The following DOCK1 variants were observed in gnomAD, a reference collection of about 807,000 sequenced individuals.
The protein encoded by DOCK1 is dedicator of cytokinesis 1, also known as dedicator of cytokinesis protein 1.
DOCK1 carries 138 observed loss-of-function variants against 262.7 expected under a neutral mutation model. That is an observed-to-expected ratio of 0.53 (90% CI 0.46 to 0.61). The LOEUF is 0.61. Among genes scored for constraint, DOCK1 ranks in the 20% least tolerant of loss-of-function variants. The probability of loss-of-function intolerance (pLI) is 0.00; values close to 1 mark genes in which losing one functional copy is unlikely to be tolerated. For synonymous variants in DOCK1, 866 were observed against 867.4 expected (o/e 1.00, Z 0.03); for missense variants, 1,908 against 2,370.7 (o/e 0.80, Z 4.05).
intron 27 of DOCK1, among the ~76,000 whole-genome samples, chr10:127,148,799 G>A (rs1305685685): frequency 3.3e-5 from 5 of 152,170 alleles, no homozygotes; most frequent in Non-Finnish European, 7.4e-5. Flanking sequence ...AGCCAGAAAA[G>A]TTTTCCTAAA....
intron 27 of DOCK1, among the ~76,000 whole-genome samples, chr10:127,210,462 TC>T (rs1210136992): frequency 6.6e-6 from 1 of 152,198 alleles, no homozygotes; most frequent in African/African-American, 2.4e-5. Context: ...GAGGAGGGCT[TC>T]CTGTGATTAC....
intron 27 of DOCK1, among the ~76,000 whole-genome samples, chr10:127,144,424 A>T (rs1260803643): frequency 6.6e-6 from 1 of 152,124 alleles, no homozygotes. Context: ...CTGTGAACTC[A>T]TTGAAGGATG....
At chr10:127,351,802 T>TG (rs1287931150) in intron 31 of DOCK1, among the ~76,000 whole-genome samples, 1 of 152,090 alleles carries the variant, frequency 6.6e-6, no homozygotes, top group Non-Finnish European at 1.5e-5. Flanking sequence ...GGGATTACTC[T>TG]GGGGCATGTA....
At chr10:127,013,138 C>T (rs2041598838) in intron 12 of DOCK1, among the ~76,000 whole-genome samples, 1 of 152,174 alleles carries the variant, frequency 6.6e-6, no homozygotes, top group Non-Finnish European at 1.5e-5. Flanking sequence ...GTGAATTGAG[C>T]CTGAAGAATG....
chr10:127,260,828 C>A (rs1317114908), intron 29 of DOCK1, among the ~76,000 whole-genome samples: 1 of 49,896 alleles, frequency 2.0e-5, no homozygotes. Context: ...CATGTGTGTG[C>A]ATGGGTGTGC....
chr10:127,247,679 C>T (rs1335963815), intron 27 of DOCK1, among the ~76,000 whole-genome samples: 1 of 152,136 alleles, frequency 6.6e-6, no homozygotes, highest in Non-Finnish European at 1.5e-5. Context: ...AAAATACAGC[C>T]CTGAGTGTGA....
At chr10:127,405,249 G>T (rs1294332126) in intron 40 of DOCK1, among the ~76,000 whole-genome samples, 3 of 152,268 alleles carry the variant, frequency 2.0e-5, no homozygotes, top group East Asian at 1.9e-4. Flanking sequence ...TTTCAGACAT[G>T]TAATTGAAGC....
intron 4 of DOCK1, among the ~76,000 whole-genome samples, chr10:126,986,403 G>T (rs1053551437): frequency 6.6e-6 from 1 of 152,086 alleles, no homozygotes; most frequent in African/African-American, 2.4e-5. Flanking sequence ...AGCATCCCTC[G>T]GCATCCCATG....
intron 29 of DOCK1, among the ~76,000 whole-genome samples, chr10:127,289,572 C>CA (rs573189648): frequency 8.5e-4 from 130 of 152,294 alleles, no homozygotes; most frequent in South Asian, 1.7e-3. Flanking sequence ...TGTAACATCT[C>CA]ACCAGAAATA....
At chr10:127,233,443 T>G (rs1474356500) in intron 27 of DOCK1, among the ~76,000 whole-genome samples, 2 of 152,204 alleles carry the variant, frequency 1.3e-5, no homozygotes, top group Admixed American at 1.3e-4. Context: ...TTTTTCTCAA[T>G]GAGCAGACAT....
intron 3 of DOCK1, among the ~76,000 whole-genome samples, chr10:126,981,000 C>T (rs190358971): frequency 0.021 from 3,036 of 147,566 alleles, 106 homozygotes; most frequent in African/African-American, 0.071. Flanking sequence ...CAGGCTGGAG[C>T]GCAGTGGCGG....
At chr10:127,030,705 C>A (rs921087225) in intron 16 of DOCK1, among the ~76,000 whole-genome samples, 1 of 152,142 alleles carries the variant, frequency 6.6e-6, no homozygotes, top group Admixed American at 6.5e-5. Flanking sequence ...GGCAGTAAAA[C>A]AAAAGGTCAC....
intron 27 of DOCK1, among the ~76,000 whole-genome samples, chr10:127,146,900 G>A (rs573799001): frequency 2.9e-4 from 44 of 152,262 alleles, no homozygotes; most frequent in Admixed American, 1.1e-3. Flanking sequence ...GGAGGTGCCC[G>A]GTTCTGCCGG....
rs73378458 is a variant in DOCK1 at position 127,119,965 on chromosome 10, C to T, written c.2624-5509C>T. 9.5e-3 allele frequency among the ~76,000 whole-genome samples: 1,446 copies of T among 152,326 alleles called. 23 individuals are homozygous for T. The highest frequency in any genetic ancestry group is 0.033 in the African/African-American group (1,352 of 41,568). On this transcript the variant is annotated intron_variant, in intron 25 of 51. Coordinates refer to ENST00000623213, the MANE Select transcript of DOCK1 (RefSeq NM_001290223.2). ...ACCAGAGCATTAATCATCCTGGCTT[C>T]GGCCCTTGCAGCTGAGGATGAACAG...
intron 23 of DOCK1, among the ~76,000 whole-genome samples, chr10:127,066,724 T>C (rs975609776): frequency 2.0e-5 from 3 of 152,236 alleles, no homozygotes; most frequent in African/African-American, 7.2e-5. Context: ...CTGATACTTA[T>C]TGATCGCCTG....
rs374334811 is a variant in DOCK1, at chr10:127,444,094, G to A, written c.5260-32G>A. ...AACGCAACTCAGCCCATAACAGACC[G>A]TAACTGTGCTCTTTCTGTCCTTTTG... On this transcript the variant is annotated intron_variant, in intron 49 of 51. Transcript: ENST00000623213. The A allele has an allele frequency of 4.0e-5, 62 of 1,551,076 alleles. No individual in the cohort carries two copies. The Admixed American group carries it at 4.5e-4, about 11-fold the overall frequency.
chr10:127,362,461 T>C (rs2133932411), intron 33 of DOCK1, among the ~76,000 whole-genome samples: 1 of 152,364 alleles, frequency 6.6e-6, no homozygotes, highest in Middle Eastern at 3.4e-3. Flanking sequence ...CTGGGTTTAC[T>C]TACACATTGC....
intron 38 of DOCK1, among the ~76,000 whole-genome samples, chr10:127,400,183 C>CAA (rs35762721): frequency 0.048 from 6,939 of 143,568 alleles, 196 homozygotes; most frequent in Non-Finnish European, 0.069. Flanking sequence ...TTACTCTCAT[C>CAA]AAAAAAAAAA....
intron 23 of DOCK1, among the ~76,000 whole-genome samples, chr10:127,068,100 T>C (rs2045981935): frequency 1.3e-5 from 2 of 152,318 alleles, no homozygotes; most frequent in African/African-American, 4.8e-5. Flanking sequence ...TCTCAGTAAA[T>C]ACAGCTGATG....
Sources: gnomAD v4.1 joint callset for allele counts (sites outside exome capture counted in the v4.1 genomes callset) on GRCh38, gnomAD v4.1.1 for gene constraint, MANE v1.5 for transcripts, NCBI Gene and HGNC (gene_info 2026-07-23, HGNC 2026-07-21) for gene names.